The following NKAIN3 variants were observed in gnomAD, a reference collection of about 807,000 sequenced individuals.
NKAIN3 encodes the protein sodium/potassium-transporting ATPase subunit beta-1-interacting protein 3.
In NKAIN3, 25 loss-of-function variants were observed where a neutral mutation model predicts 30.2. That is an observed-to-expected ratio of 0.83 (90% CI 0.60 to 1.16). NKAIN3 has a LOEUF of 1.16. Ranked by LOEUF, NKAIN3 falls within the 50% of genes most tolerant of loss-of-function variation. The pLI, the probability that NKAIN3 is intolerant of heterozygous loss-of-function variation, is 0.00. For synonymous variants in NKAIN3, 91 were observed against 89.6 expected (o/e 1.02, Z -0.09); for missense variants, 225 against 254.1 (o/e 0.89, Z 0.78).
intron 1 of NKAIN3, among the ~76,000 whole-genome samples, chr8:62,372,030 G>C (rs1249895501): frequency 3.3e-5 from 5 of 151,438 alleles, no homozygotes; most frequent in Non-Finnish European, 7.4e-5. Context: ...AGAAACCTGT[G>C]TCAGAGATAT....
chr8:62,500,480 A>G (rs13258693), intron 1 of NKAIN3, among the ~76,000 whole-genome samples: 2,612 of 139,422 alleles, frequency 0.019, 43 homozygotes, highest in African/African-American at 0.028. Context: ...AAAGAAAGAA[A>G]GAAAGAAGAA....
chr8:62,538,709 A>T (rs1385585156), intron 1 of NKAIN3, among the ~76,000 whole-genome samples: 1 of 152,162 alleles, frequency 6.6e-6, no homozygotes, highest in Non-Finnish European at 1.5e-5. Flanking sequence ...GTCTCAGGCG[A>T]ATTTGCTGTT....
chr8:62,371,685 C>T (rs1374313068), intron 1 of NKAIN3, among the ~76,000 whole-genome samples: 1 of 151,890 alleles, frequency 6.6e-6, no homozygotes, highest in Non-Finnish European at 1.5e-5. Flanking sequence ...CACGTACCTC[C>T]ATTTATTTAA....
In NKAIN3 at chr8:62,319,046, C is replaced by T. The variant is rs555629849; in HGVS notation, c.54+69919C>T. Among the ~76,000 whole-genome samples the T allele has an allele frequency of 3.0e-3, 456 of 151,910 alleles. 4 individuals are homozygous for T. The highest frequency in any genetic ancestry group is 0.01 in the African/African-American group (424 of 41,458). ...GGTCTATTCAGAGATTCAGCTTCTTCCTGGTTTAGTCTTGGGAGGGTGTAT... is the reference window on the plus strand; with the variant it reads ...GGTCTATTCAGAGATTCAGCTTCTTTCTGGTTTAGTCTTGGGAGGGTGTAT... On this transcript the variant is annotated intron_variant, in intron 1 of 6. Coordinates refer to ENST00000623646, the MANE Select transcript of NKAIN3 (RefSeq NM_001304533.3).
At position 62,864,821 on chromosome 8, in the gene NKAIN3, C is replaced by T. The variant is rs75898388; in HGVS notation, c.472-53632C>T. Among the ~76,000 whole-genome samples, 206 of 152,258 alleles carry T rather than the reference C, an allele frequency of 1.4e-3. 1 individual carries two copies. In the East Asian group the frequency reaches 0.021, roughly 16 times the overall value. ...GTAGAAATTGCTGACCTGGGAAATG[C>T]TTGTTGGGCGCATAAACACTTCACG... On this transcript the variant is annotated intron_variant, in intron 4 of 6. Transcript: ENST00000623646.
chr8:62,415,129 A>G (rs1421842469), intron 1 of NKAIN3, among the ~76,000 whole-genome samples: 1 of 73,038 alleles, frequency 1.4e-5, no homozygotes, highest in African/African-American at 3.7e-5. Flanking sequence ...TATATAATAT[A>G]CTATAGTATA....
chr8:62,454,169 A>G (rs1257001315), intron 1 of NKAIN3, among the ~76,000 whole-genome samples: 4 of 151,892 alleles, frequency 2.6e-5, no homozygotes, highest in Non-Finnish European at 5.9e-5. Context: ...ACTTCACTCC[A>G]TAACAATATG....
intron 3 of NKAIN3, among the ~76,000 whole-genome samples, chr8:62,609,565 T>C (rs1405969535): frequency 1.3e-5 from 2 of 152,096 alleles, no homozygotes; most frequent in African/African-American, 4.8e-5. Context: ...GAATTTGCTC[T>C]CAAAGAGCTT....
chr8:62,787,120 A>G lies in NKAIN3; in HGVS notation c.471+39991A>G, dbSNP rs144355658. Among the ~76,000 whole-genome samples the G allele has an allele frequency of 6.7e-4, 102 of 152,282 alleles. 1 individual carries two copies. In the Middle Eastern group the frequency reaches 0.01, roughly 15 times the overall value. On this transcript the variant is annotated intron_variant, in intron 4 of 6. Coordinates refer to ENST00000623646, the MANE Select transcript of NKAIN3 (RefSeq NM_001304533.3). ...GATTCTGTATCTGTGTACATTACAT[A>G]ATTTTAATCATTCATTGTGGCTTGA...
intron 4 of NKAIN3, among the ~76,000 whole-genome samples, chr8:62,883,461 T>TTTTTTTTTTTG (rs1821055561): frequency 6.9e-6 from 1 of 145,094 alleles, no homozygotes; most frequent in Admixed American, 6.9e-5. Context: ...TTATGGGTTT[T>TTTTTTTTTTTG]TTTTTTTTTT....
At chr8:62,936,998 A>G (rs1822805283) in intron 5 of NKAIN3, among the ~76,000 whole-genome samples, 1 of 151,928 alleles carries the variant, frequency 6.6e-6, no homozygotes, top group Non-Finnish European at 1.5e-5. Context: ...CTTCTATATT[A>G]TATCATATTA....
At chr8:62,449,369 A>AT in intron 1 of NKAIN3, among the ~76,000 whole-genome samples, 1 of 152,024 alleles carries the variant, frequency 6.6e-6, no homozygotes, top group Non-Finnish European at 1.5e-5. Context: ...CTATATCTAT[A>AT]TTAGACTGGA....
At chr8:62,929,384 C>A (rs62508065) in intron 5 of NKAIN3, among the ~76,000 whole-genome samples, 10,640 of 152,234 alleles carry the variant, frequency 0.07, 483 homozygotes, top group South Asian at 0.15. Context: ...GTTTTATTTT[C>A]TTTTCCTTTG....
At chr8:62,418,528 T>C (rs1197851181) in intron 1 of NKAIN3, among the ~76,000 whole-genome samples, 1 of 152,148 alleles carries the variant, frequency 6.6e-6, no homozygotes, top group Non-Finnish European at 1.5e-5. Context: ...CTGCAATTGA[T>C]CTTTGCGATC....
At position 62,461,282 on chromosome 8, in the gene NKAIN3, T is replaced by G. The variant is rs561399799; in HGVS notation, c.55-118257T>G. Among the ~76,000 whole-genome samples the G allele has an allele frequency of 4.6e-5, 7 of 152,356 alleles. No homozygotes were observed. In the South Asian group the frequency reaches 1.4e-3, roughly 32 times the overall value. On this transcript the variant is annotated intron_variant, in intron 1 of 6. Transcript: ENST00000623646. ...TGCATACAGCAAAGAATGTGTACTT[T>G]ACAGGATTATTCCAGAATAGTCATC...
At chr8:62,284,093 G>A (rs1813291976) in intron 1 of NKAIN3, among the ~76,000 whole-genome samples, 2 of 151,988 alleles carry the variant, frequency 1.3e-5, no homozygotes, top group African/African-American at 2.4e-5. Flanking sequence ...AGAATGTCAC[G>A]TGCATATATT....
At chr8:62,386,466 A>T (rs971991885) in intron 1 of NKAIN3, among the ~76,000 whole-genome samples, 1 of 152,224 alleles carries the variant, frequency 6.6e-6, no homozygotes, top group Admixed American at 6.5e-5. Flanking sequence ...ACTCTTCCCT[A>T]TAGGAATACT....
chr8:62,472,517 C>T (rs1379088670), intron 1 of NKAIN3, among the ~76,000 whole-genome samples: 1 of 152,136 alleles, frequency 6.6e-6, no homozygotes, highest in Non-Finnish European at 1.5e-5. Context: ...AGTATCACCT[C>T]AACTTAGTAG....
In NKAIN3 at chr8:62,659,631, G is replaced by A. The variant is rs530729071; in HGVS notation, c.273+69837G>A. On this transcript the variant is annotated intron_variant, in intron 3 of 6. Coordinates refer to ENST00000623646, the MANE Select transcript of NKAIN3 (RefSeq NM_001304533.3). Reference sequence around the variant, plus strand: ...TCTTGATTGTTGTGTAATCTATTGCGTATATGCTGCTTTCTGGTTGAAGGG... The same window carrying A: ...TCTTGATTGTTGTGTAATCTATTGCATATATGCTGCTTTCTGGTTGAAGGG... Among the ~76,000 whole-genome samples, 114 of 152,262 alleles carry A rather than the reference G, an allele frequency of 7.5e-4. 1 individual carries two copies. Among genetic ancestry groups the A allele is most frequent in the South Asian group, 6.2e-4 (3 of 4,830 alleles).
Sources: allele counts gnomAD v4.1 joint callset (sites outside exome capture counted in the v4.1 genomes callset), GRCh38; gene constraint gnomAD v4.1.1; transcripts MANE v1.5; gene names NCBI Gene and HGNC (gene_info 2026-07-23, HGNC 2026-07-21).